Variants in CDH23 observed in about 807,000 individuals in gnomAD.
CDH23 encodes cadherin related 23, also known as cadherin-23.
In CDH23, 189 loss-of-function variants were observed where a neutral mutation model predicts 317.1. The observed-to-expected ratio is 0.60, with a 90% CI of 0.53 to 0.67. The LOEUF (loss-of-function observed/expected upper bound fraction) is 0.67. Among genes scored for constraint, CDH23 ranks in the 30% least tolerant of loss-of-function variants. The pLI is 0.00. For missense variants in CDH23, 4,401 were observed against 4,592.4 expected (o/e 0.96, Z 1.20); for synonymous variants, 1,839 against 1,876.8 (o/e 0.98, Z 0.52).
chr10:71,732,271 C>T lies in CDH23; in HGVS notation c.4000C>T (p.Arg1334Trp), dbSNP rs373276722. The T allele has an allele frequency of 5.9e-5, 95 of 1,613,006 alleles. No homozygotes were observed. Among genetic ancestry groups the T allele is most frequent in the Admixed American group, 5.3e-4 (32 of 59,890 alleles). ...ENLALGTEIV[R>W]VQAYSIDNLN... ...TCTGGCACTGGGTACTGAGATTGTG[C>T]GGGTCCAGGCCTACTCCATCGACAA... is the stretch of plus-strand genomic sequence containing the variant. Residue 1334 changes from arginine to tryptophan, a missense_variant, in exon 32 of 70, where the codon CGG becomes TGG. Transcript: ENST00000224721.
chr10:71,550,578 G>GAA (rs751275817), intron 6 of CDH23, among the ~76,000 whole-genome samples: 1 of 126,092 alleles, frequency 7.9e-6, no homozygotes, highest in African/African-American at 2.9e-5. Flanking sequence ...AAAAAAAAAA[G>GAA]AAAAAAGAAA....
intron 15 of CDH23, among the ~76,000 whole-genome samples, chr10:71,676,261 G>A (rs892535985): frequency 2.6e-5 from 4 of 152,128 alleles, no homozygotes; most frequent in Middle Eastern, 3.4e-3. Flanking sequence ...TGGGAAGCCC[G>A]GTGGAGTGAG....
At chr10:71,701,197 T>C (rs1425027642) in intron 22 of CDH23, among the ~76,000 whole-genome samples, 1 of 152,202 alleles carries the variant, frequency 6.6e-6, no homozygotes, top group Non-Finnish European at 1.5e-5. Context: ...ACCCTAAGAC[T>C]GGCCTGTGCC....
intron 6 of CDH23, among the ~76,000 whole-genome samples, chr10:71,553,697 C>G (rs978937366): frequency 1.3e-5 from 2 of 152,214 alleles, no homozygotes; most frequent in South Asian, 4.1e-4. Context: ...ATGTAAGGCC[C>G]GCCCTGAGGA....
At chr10:71,425,371 A>AGAAGGAAGGAAGGAAGGAAAGGAAG in intron 1 of CDH23, among the ~76,000 whole-genome samples, 1 of 82,418 alleles carries the variant, frequency 1.2e-5, no homozygotes, top group Non-Finnish European at 2.5e-5. Flanking sequence ...AAGAGAGAGG[A>AGAAGGAAGGAAGGAAGGAAAGGAAG]GAAGGAAGGA....
intron 14 of CDH23, among the ~76,000 whole-genome samples, chr10:71,660,071 C>T (rs1310981053): frequency 1.3e-5 from 2 of 150,846 alleles, no homozygotes; most frequent in Non-Finnish European, 2.9e-5. Context: ...AACGATTCTC[C>T]TGCCTCAACC....
At chr10:71,585,386 CA>C (rs1247679053) in intron 9 of CDH23, among the ~76,000 whole-genome samples, 3 of 152,172 alleles carry the variant, frequency 2.0e-5, no homozygotes, top group African/African-American at 7.2e-5. Context: ...TTGATCCCAG[CA>C]CAAGGATGGG....
intron 1 of CDH23, among the ~76,000 whole-genome samples, chr10:71,403,527 T>C (rs1473187327): frequency 1.7e-4 from 22 of 130,236 alleles, no homozygotes; most frequent in Middle Eastern, 3.8e-3. Context: ...TCTTTCTTTC[T>C]TTTTTTTTTT....
At chr10:71,575,755 C>T (rs1858146214) in intron 8 of CDH23, among the ~76,000 whole-genome samples, 1 of 152,244 alleles carries the variant, frequency 6.6e-6, no homozygotes, top group South Asian at 2.1e-4. Context: ...CATCCCCCGT[C>T]TTTGGAAATA....
At chr10:71,790,735 A>G (rs1841228454) in intron 46 of CDH23, 1 of 462,686 alleles carries the variant, frequency 2.2e-6, no homozygotes, top group Non-Finnish European at 4.0e-6. Context: ...CAGCAGAAGT[A>G]GCCAGAGCGA....
intron 32 of CDH23, among the ~76,000 whole-genome samples, chr10:71,733,846 C>T (rs558681746): frequency 1.3e-5 from 2 of 152,308 alleles, no homozygotes; most frequent in East Asian, 1.9e-4. Context: ...ACGTGACAGG[C>T]CTTGTCCTAG....
chr10:71,660,851 A>G (rs1863617868), intron 14 of CDH23, among the ~76,000 whole-genome samples: 1 of 152,194 alleles, frequency 6.6e-6, no homozygotes, highest in African/African-American at 2.4e-5. Flanking sequence ...CAGTGAAATC[A>G]TACATGTAAA....
chr10:71,732,171 C>T lies in CDH23; in HGVS notation c.3900C>T (p.Tyr1300=), dbSNP rs1411297278. The T allele has an allele frequency of 1.9e-6, 3 of 1,613,890 alleles. No individual in the cohort carries two copies. Among genetic ancestry groups the T allele is most frequent in the African/African-American group, 2.7e-5 (2 of 74,938 alleles). The change falls in exon 32 of 70, where the codon TAC becomes TAT. Residue 1300 remains tyrosine, a synonymous_variant. Transcript: ENST00000224721. Reference sequence around the variant, plus strand: ...TCAACCAGGGCTTCTGCAGCGTCTACATCACTCTGCTCAACGAGCTGGACG... The same window carrying T: ...TCAACCAGGGCTTCTGCAGCGTCTATATCACTCTGCTCAACGAGCTGGACG... ...PPFNQGFCSV[Y]ITLLNELDEA...
rs1841613030 is a variant in CDH23, at chr10:71,803,313, C to T, written c.7765C>T (p.Pro2589Ser). ...CGTGGTGGCCACAGATGGTGGAGAG[C>T]CCCCACTCTGGGGCACCACCATGCT... ...LTVVATDGGE[P>S]PLWGTTMLLV... The change falls in exon 55 of 70, where the codon CCC becomes TCC. Residue 2589 changes from proline to serine, a missense_variant. Physicochemically the swap from Pro to Ser is moderately conservative, Grantham distance 74 (BLOSUM62 -1). This residue lies in a region of CDH23 where 1,144 missense variants were observed against 1,138.2 expected (regional missense o/e 1.01). Coordinates refer to ENST00000224721, the MANE Select transcript of CDH23 (RefSeq NM_022124.6). 1.3e-6 allele frequency: 2 copies of T among 1,591,688 alleles called. No homozygotes were observed. Among genetic ancestry groups the T allele is most frequent in the African/African-American group, 2.7e-5 (2 of 74,340 alleles).
intron 28 of CDH23, chr10:71,713,053 A>T (rs545416993): frequency 5.4e-6 from 4 of 737,500 alleles, no homozygotes; most frequent in African/African-American, 3.5e-5. Context: ...AAACAGGAGG[A>T]AGACTTGGCC....
chr10:71,662,004 C>T (rs1047720593), intron 14 of CDH23, among the ~76,000 whole-genome samples: 1 of 150,418 alleles, frequency 6.6e-6, no homozygotes, highest in African/African-American at 2.5e-5. Context: ...CCCTGGGCTG[C>T]GTGGGCCCAG....
chr10:71,596,373 T>C (rs1222114002), intron 9 of CDH23, among the ~76,000 whole-genome samples: 1 of 152,174 alleles, frequency 6.6e-6, no homozygotes, highest in Non-Finnish European at 1.5e-5. Flanking sequence ...GAGCCAGGAT[T>C]CGAACCCAGG....
At chr10:71,665,192 A>G (rs1665626) in intron 14 of CDH23, among the ~76,000 whole-genome samples, 20,892 of 152,156 alleles carry the variant, frequency 0.14, 1,832 homozygotes, top group South Asian at 0.32. Context: ...ACATTCACCC[A>G]GGTGCTCTTA....
chr10:71,509,841 A>T, intron 3 of CDH23: 1 of 548,210 alleles, frequency 1.8e-6, no homozygotes, highest in South Asian at 2.2e-5. Context: ...ACACACTCAG[A>T]ACATGGTGAG....
Sources: allele counts gnomAD v4.1 joint callset (sites outside exome capture counted in the v4.1 genomes callset), GRCh38; gene constraint gnomAD v4.1.1; regional missense constraint gnomAD v4.1.1; transcripts MANE v1.5; gene names NCBI Gene and HGNC (gene_info 2026-07-23, HGNC 2026-07-21).